The following ADAMTS19 variants were observed in gnomAD, a reference collection of about 807,000 sequenced individuals.
The protein encoded by ADAMTS19 is ADAM metallopeptidase with thrombospondin type 1 motif 19.
ADAMTS19 carries 93 observed loss-of-function variants against 153.3 expected under a neutral mutation model. The ratio of observed to expected loss-of-function variants is 0.61; its 90% CI spans 0.51 to 0.72. The LOEUF (loss-of-function observed/expected upper bound fraction) is 0.72, where lower values mean the gene tolerates loss of function less well. ADAMTS19 is among the 30% of genes least tolerant of loss of function. ADAMTS19 has a pLI of 0.00. For synonymous variants in ADAMTS19, 600 were observed against 556.6 expected, an observed-to-expected ratio of 1.08 and a Z score of -1.10; for missense variants, 1,482 against 1,552.1, an observed-to-expected ratio of 0.95 and a Z score of 0.76.
At chr5:129,665,977 A>ATG (rs201936004) in intron 16 of ADAMTS19, among the ~76,000 whole-genome samples, 1 of 149,062 alleles carries the variant, frequency 6.7e-6, no homozygotes, top group Non-Finnish European at 1.5e-5. Flanking sequence ...AAATGAATTT[A>ATG]TGTATATATA....
Position 129,720,321 on chromosome 5 carries a change from G to T in ADAMTS19, c.3313-14611G>T, listed in dbSNP as rs988950118. On this transcript the variant is annotated intron_variant, in intron 21 of 22. Coordinates refer to ENST00000274487, the MANE Select transcript of ADAMTS19 (RefSeq NM_133638.6). ...CGAGTAGCTAGGATTAAAGGTGTCC[G>T]CCACCACGCCCGGCTGATTTTTCTA... is the stretch of plus-strand genomic sequence containing the variant. Among the ~76,000 whole-genome samples, 3 of 151,698 alleles carry T rather than the reference G, an allele frequency of 2.0e-5. No homozygotes were observed. The South Asian group carries it at 6.3e-4, about 32-fold the overall frequency.
At chr5:129,715,295 T>G (rs893141344) in intron 21 of ADAMTS19, among the ~76,000 whole-genome samples, 1 of 152,230 alleles carries the variant, frequency 6.6e-6, no homozygotes, top group African/African-American at 2.4e-5. Flanking sequence ...CAGGCTATAC[T>G]ATTGAGAATG....
chr5:129,519,720 T>C lies in ADAMTS19; in HGVS notation c.914-6564T>C, dbSNP rs531110650. On this transcript the variant is annotated intron_variant, in intron 3 of 22. Transcript: ENST00000274487. ...ACAAGGGATGATGTGATTCCCACTA[T>C]GCCATTTTGCATACCAGGAGACCCT... Among the ~76,000 whole-genome samples the C allele has an allele frequency of 6.6e-5, 10 of 152,144 alleles. No individual in the cohort carries two copies. The South Asian group carries it at 2.1e-3, about 32-fold the overall frequency.
rs537495301 is a variant in ADAMTS19, at chr5:129,669,363, G to T, written c.2506+3784G>T. 5.3e-5 allele frequency among the ~76,000 whole-genome samples: 8 copies of T among 152,044 alleles called. No homozygotes were observed. In the East Asian group the frequency reaches 1.6e-3, roughly 29 times the overall value. On this transcript the variant is annotated intron_variant, in intron 16 of 22. Coordinates refer to ENST00000274487, the MANE Select transcript of ADAMTS19 (RefSeq NM_133638.6). ...TGGTAGGTTTTGTTTTGGGAAGTTTGTACATTTCATCTAGGTTATCTAATT... is the reference window on the plus strand; with the variant it reads ...TGGTAGGTTTTGTTTTGGGAAGTTTTTACATTTCATCTAGGTTATCTAATT...
intron 2 of ADAMTS19, among the ~76,000 whole-genome samples, chr5:129,498,911 TC>T (rs1366187430): frequency 6.6e-6 from 1 of 151,764 alleles, no homozygotes; most frequent in East Asian, 1.9e-4. Context: ...TCCCTCATCA[TC>T]CCCACTAAAT....
chr5:129,646,145 C>T (rs909688374), intron 11 of ADAMTS19, among the ~76,000 whole-genome samples: 3 of 151,812 alleles, frequency 2.0e-5, no homozygotes, highest in Admixed American at 6.6e-5. Context: ...GCCTCGGCCT[C>T]CCAAAGTGCT....
At chr5:129,607,096 T>C (rs898513945) in intron 8 of ADAMTS19, among the ~76,000 whole-genome samples, 1 of 152,030 alleles carries the variant, frequency 6.6e-6, no homozygotes, top group African/African-American at 2.4e-5. Context: ...TTTGTATTTT[T>C]AGTAGAGACA....
intron 2 of ADAMTS19, among the ~76,000 whole-genome samples, chr5:129,472,498 C>A (rs143263934): frequency 2.2e-3 from 340 of 152,246 alleles, no homozygotes; most frequent in Non-Finnish European, 4.0e-3. Context: ...TGCTAGTGAG[C>A]TAGAAAGGAT....
chr5:129,501,468 A>G (rs1373998598), intron 2 of ADAMTS19, among the ~76,000 whole-genome samples: 2 of 152,142 alleles, frequency 1.3e-5, no homozygotes, highest in Admixed American at 1.3e-4. Context: ...CAAATTTTGG[A>G]TAGCTACCAT....
chr5:129,678,111 C>T (rs910322961), intron 16 of ADAMTS19, among the ~76,000 whole-genome samples: 4 of 152,098 alleles, frequency 2.6e-5, no homozygotes, highest in East Asian at 1.9e-4. Context: ...CCACACCGGC[C>T]GTTACATTTT....
chr5:129,702,045 T>C (rs1755889565), intron 20 of ADAMTS19, among the ~76,000 whole-genome samples: 1 of 152,200 alleles, frequency 6.6e-6, no homozygotes, highest in South Asian at 2.1e-4. Flanking sequence ...AGTTTCATCA[T>C]TTTATAAGTA....
intron 2 of ADAMTS19, among the ~76,000 whole-genome samples, chr5:129,465,863 T>C (rs1749838249): frequency 6.6e-6 from 1 of 152,212 alleles, no homozygotes. Context: ...TAGAAGAGAA[T>C]GTCATCAGGA....
At chr5:129,513,215 A>T (rs1433711563) in intron 3 of ADAMTS19, among the ~76,000 whole-genome samples, 3 of 151,698 alleles carry the variant, frequency 2.0e-5, no homozygotes, top group African/African-American at 7.3e-5. Context: ...AAAAAAAAAA[A>T]GTATTAATCT....
chr5:129,688,591 A>G (rs1372857127), intron 18 of ADAMTS19, among the ~76,000 whole-genome samples: 2 of 152,186 alleles, frequency 1.3e-5, no homozygotes, highest in Non-Finnish European at 2.9e-5. Context: ...AGAGATGAAA[A>G]TTCTCTCTTT....
chr5:129,533,622 C>T (rs567093672), intron 6 of ADAMTS19, among the ~76,000 whole-genome samples: 24 of 152,160 alleles, frequency 1.6e-4, no homozygotes, highest in African/African-American at 5.8e-4. Flanking sequence ...TTAGTTATTT[C>T]TTGCCTTCTG....
intron 2 of ADAMTS19, among the ~76,000 whole-genome samples, chr5:129,478,865 A>G (rs961262017): frequency 2.6e-5 from 4 of 152,156 alleles, no homozygotes; most frequent in Admixed American, 6.6e-5. Context: ...GTAAAAATCA[A>G]ATCACAAGAG....
chr5:129,522,677 A>C (rs1751865145), intron 3 of ADAMTS19, among the ~76,000 whole-genome samples: 1 of 151,984 alleles, frequency 6.6e-6, no homozygotes, highest in Non-Finnish European at 1.5e-5. Context: ...TTCCAGCAAC[A>C]GTGGTGGGAT....
chr5:129,654,637 C>T (rs1337327339), intron 14 of ADAMTS19, among the ~76,000 whole-genome samples: 1 of 152,042 alleles, frequency 6.6e-6, no homozygotes, highest in African/African-American at 2.4e-5. Flanking sequence ...TGACTTGGTA[C>T]TCCATAAAAT....
At position 129,738,478 on chromosome 5, in the gene ADAMTS19, G is replaced by A. The variant is rs186638310; in HGVS notation, c.*1260G>A. 4 of 152,092 alleles carry A rather than the reference G, an allele frequency of 2.6e-5. No individual in the cohort carries two copies. 9.4% of individuals were successfully genotyped at this position (152,092 alleles called of 1,614,324 possible). On this transcript the variant is annotated 3_prime_UTR_variant, in exon 23 of 23. Transcript: ENST00000274487. Reference sequence around the variant, plus strand: ...AGATAGTATGTCTCTTGGGAGCAAAGGGCAAACATACTTCTCATTATAAAA... The same window carrying A: ...AGATAGTATGTCTCTTGGGAGCAAAAGGCAAACATACTTCTCATTATAAAA...
Sources: gnomAD v4.1 joint callset for allele counts (sites outside exome capture counted in the v4.1 genomes callset) on GRCh38, gnomAD v4.1.1 for gene constraint, MANE v1.5 for transcripts, NCBI Gene and HGNC (gene_info 2026-07-23, HGNC 2026-07-21) for gene names.